Variants in TCN2 observed in about 807,000 individuals in gnomAD.
TCN2 encodes the protein transcobalamin-2.
Under a neutral mutation model 48.6 loss-of-function variants are expected in TCN2, and 34 were observed. The ratio of observed to expected loss-of-function variants is 0.70; its 90% CI spans 0.53 to 0.93. TCN2 has a LOEUF of 0.93. TCN2 is among the 40% of genes least tolerant of loss of function. The probability of loss-of-function intolerance (pLI) is 0.00; values close to 1 mark genes in which losing one functional copy is unlikely to be tolerated. For missense variants in TCN2, 652 were observed against 526.1 expected (o/e 1.24, Z -2.34); for synonymous variants, 283 against 212.5 (o/e 1.33, Z -2.89).
chr22:30,622,957 C>G lies in TCN2; in HGVS notation c.1107-11C>G, dbSNP rs375069878. The G allele has an allele frequency of 4.3e-6, 7 of 1,613,940 alleles. No individual in the cohort carries two copies. The highest frequency in any genetic ancestry group is 5.9e-6 in the Non-Finnish European group (7 of 1,179,818). Reference sequence around the variant, plus strand: ...ACCTCTTCTCTCCCCATTTGCCTTTCCCTTCTGTAGATATGAAACACAGGC... The same window carrying G: ...ACCTCTTCTCTCCCCATTTGCCTTTGCCTTCTGTAGATATGAAACACAGGC... On this transcript the variant is annotated splice_polypyrimidine_tract_variant and intron_variant, in intron 7 of 8. Coordinates refer to ENST00000215838, the MANE Select transcript of TCN2 (RefSeq NM_000355.4).
chr22:30,608,972 T>C (rs2087495184), intron 1 of TCN2, among the ~76,000 whole-genome samples: 3 of 152,118 alleles, frequency 2.0e-5, no homozygotes, highest in African/African-American at 7.2e-5. Context: ...CCCAGCCTCA[T>C]TCCTTTATCT....
chr22:30,613,617 C>T (rs1394575031), intron 3 of TCN2, among the ~76,000 whole-genome samples: 1 of 152,148 alleles, frequency 6.6e-6, no homozygotes, highest in African/African-American at 2.4e-5. Context: ...CCAAGATTGA[C>T]TTGATTATCC....
intron 7 of TCN2, among the ~76,000 whole-genome samples, chr22:30,620,859 TAGAC>T (rs1469838215): frequency 2.0e-5 from 3 of 152,012 alleles, no homozygotes; most frequent in Admixed American, 6.6e-5. Context: ...CAGACACAGA[TAGAC>T]AGATGTGGAG....
chr22:30,626,387 G>A (rs2087810250), intron 8 of TCN2, 73 bp from the exon 9 acceptor site: 1 of 1,493,750 alleles, frequency 6.7e-7, no homozygotes, highest in Non-Finnish European at 9.3e-7. Context: ...CAGGGTGGGG[G>A]GTCTGGAAGA....
chr22:30,617,381 G>C lies in TCN2; in HGVS notation c.992G>C (p.Ser331Thr). The stretch of plus-strand genomic sequence containing the variant: ...ATTCCTCAGACCCAAGAGATCATCA[G>C]TGTCACGCTGCAGGTGCTTAGTCTC... ...ETIPQTQEII[S>T]VTLQVLSLLP... is the part of the protein sequence containing the mutation. The change falls in exon 7 of 9, where the codon AGT (serine) becomes ACT (threonine). Residue 331 changes from serine (S) to threonine (T), a missense_variant. By Grantham distance (58) the Ser-to-Thr change is moderately conservative. Transcript: ENST00000215838. 1 of 1,614,170 alleles carries C rather than the reference G, an allele frequency of 6.2e-7. No individual in the cohort carries two copies. Among genetic ancestry groups the C allele is most frequent in the Non-Finnish European group, 8.5e-7 (1 of 1,180,030 alleles).
intron 7 of TCN2, among the ~76,000 whole-genome samples, chr22:30,620,967 G>T (rs868742903): frequency 6.6e-5 from 10 of 151,978 alleles, no homozygotes; most frequent in African/African-American, 2.4e-4. Context: ...GTTTCCCTTC[G>T]CTAAAGTCAC....
chr22:30,619,932 T>C (rs953176931), intron 7 of TCN2, among the ~76,000 whole-genome samples: 2 of 152,154 alleles, frequency 1.3e-5, no homozygotes, highest in African/African-American at 2.4e-5. Flanking sequence ...GGCAGGAGGA[T>C]CACTTGAGCC....
Position 30,623,078 on chromosome 22 carries a change from T to TG in TCN2, c.1218dup (p.Gln407AlafsTer5). On this transcript the variant is annotated frameshift_variant, in exon 8 of 9. Transcript: ENST00000215838. LOFTEE classifies it high-confidence loss of function. ...CTCCGAGACCCCAACACCCCACTGTTGCAAGGTGAGTCATGGCCTGACACT... is the reference window on the plus strand; with the variant it reads ...CTCCGAGACCCCAACACCCCACTGTTGGCAAGGTGAGTCATGGCCTGACACT... 2 of 1,613,836 alleles carry TG rather than the reference T, an allele frequency of 1.2e-6. No individual in the cohort carries two copies. Among genetic ancestry groups the TG allele is most frequent in the Non-Finnish European group, 1.7e-6 (2 of 1,179,948 alleles).
intron 7 of TCN2, among the ~76,000 whole-genome samples, chr22:30,620,563 G>T (rs562034951): frequency 1.3e-5 from 2 of 152,230 alleles, no homozygotes; most frequent in African/African-American, 4.8e-5. Context: ...GGGCACCAGC[G>T]CAGTCACTGA....
Position 30,626,588 on chromosome 22 carries a change from C to T in TCN2, c.*67C>T. On this transcript the variant is annotated 3_prime_UTR_variant, in exon 9 of 9. Transcript: ENST00000215838. ...GGCTTCTACCCTCCCTCCTGATGTC[C>T]CTGGAACAGGAACTCGCCTGACCCT... 1 of 1,569,908 alleles carries T rather than the reference C, an allele frequency of 6.4e-7. No individual in the cohort carries two copies. The highest frequency in any genetic ancestry group is 8.8e-7 in the Non-Finnish European group (1 of 1,142,610).
Position 30,623,965 on chromosome 22 carries a change from C to T in TCN2, c.1222+882C>T, listed in dbSNP as rs771213275. Reference sequence around the variant, plus strand: ...ACACACACATATGTATACATATATACACACACATATATATGTATACATATA... The same window carrying T: ...ACACACACATATGTATACATATATATACACACATATATATGTATACATATA... On this transcript the variant is annotated intron_variant, in intron 8 of 8. Coordinates refer to ENST00000215838, the MANE Select transcript of TCN2 (RefSeq NM_000355.4). Among the ~76,000 whole-genome samples the T allele has an allele frequency of 3.4e-3, 63 of 18,498 alleles. 4 individuals are homozygous for T. Among genetic ancestry groups the T allele is most frequent in the Middle Eastern group, 0.024 (1 of 42 alleles). The allele number at this position is 18,498 out of a possible 152,430, so 12.1% of individuals were successfully genotyped here. A position where few individuals can be genotyped will look rare whatever the true frequency, so the allele number is the denominator to read the frequency against.
rs188667136 is a variant in TCN2, at chr22:30,614,318, G to A, written c.428-31G>A. 1,234 of 1,611,932 alleles carry A rather than the reference G, an allele frequency of 7.7e-4. 7 individuals carry two copies. In the African/African-American group the frequency reaches 0.01, roughly 13 times the overall value. On this transcript the variant is annotated intron_variant, in intron 3 of 8. Transcript: ENST00000215838. Reference sequence around the variant, plus strand: ...GGGCTGGCTGCTGGGTGGGGGCAGAGAGGCAACCCCTCTGTTTTTTTCCCT... The same window carrying A: ...GGGCTGGCTGCTGGGTGGGGGCAGAAAGGCAACCCCTCTGTTTTTTTCCCT...
chr22:30,614,339 TC>T lies in TCN2; in HGVS notation c.428-7del, dbSNP rs1569040463. On this transcript the variant is annotated splice_polypyrimidine_tract_variant and intron_variant, in intron 3 of 8. Coordinates refer to ENST00000215838, the MANE Select transcript of TCN2 (RefSeq NM_000355.4). ...CAGAGAGGCAACCCCTCTGTTTTTT[TC>T]CCTCTCAGGGCATGATCACAAGGGC... 1 of 1,614,016 alleles carries T rather than the reference TC, an allele frequency of 6.2e-7. No individual in the cohort carries two copies. Among genetic ancestry groups the T allele is most frequent in the Non-Finnish European group, 8.5e-7 (1 of 1,179,954 alleles).
chr22:30,613,896 C>CAACT (rs2087574629), intron 3 of TCN2, among the ~76,000 whole-genome samples: 1 of 152,178 alleles, frequency 6.6e-6, no homozygotes, highest in African/African-American at 2.4e-5. Flanking sequence ...TACCATCTCT[C>CAACT]AACTCATAAG....
chr22:30,617,442 C>T lies in TCN2; in HGVS notation c.1053C>T (p.Ala351=), dbSNP rs142555281. 6.8e-5 allele frequency: 110 copies of T among 1,613,926 alleles called. 1 individual carries two copies. Among genetic ancestry groups the T allele is most frequent in the Admixed American group, 2.3e-4 (14 of 59,962 alleles). The part of the protein sequence containing the change: ...PPYRQSISVL[A]GSTVEDVLKK... Reference sequence around the variant, plus strand: ...ACAGACAGTCCATCTCTGTTCTGGCCGGGTCCACCGTGGAAGATGTCCTGA... The same window carrying T: ...ACAGACAGTCCATCTCTGTTCTGGCTGGGTCCACCGTGGAAGATGTCCTGA... The change falls in exon 7 of 9, where the codon GCC becomes GCT. Residue 351 remains alanine, a synonymous_variant. Coordinates refer to ENST00000215838, the MANE Select transcript of TCN2 (RefSeq NM_000355.4).
Position 30,617,545 on chromosome 22 carries a change from A to AT in TCN2, c.1106+51dup, listed in dbSNP as rs778125687. 6.2e-6 allele frequency: 10 copies of AT among 1,612,678 alleles called. No homozygotes were observed. In the East Asian group the frequency reaches 2.2e-4, roughly 36 times the overall value. ...CACCCCACCCAACCTCACATGCCTG[A>AT]TAACAGGGTCACAGAAGAGACGGGG... On this transcript the variant is annotated intron_variant, in intron 7 of 8. Coordinates refer to ENST00000215838, the MANE Select transcript of TCN2 (RefSeq NM_000355.4).
At chr22:30,612,731 A>C in intron 2 of TCN2, 142 bp from the exon 3 acceptor site, 3 of 997,388 alleles carry the variant, frequency 3.0e-6, no homozygotes, top group South Asian at 2.9e-5. Flanking sequence ...CAACATAGCC[A>C]ACACACCTCC....
intron 8 of TCN2, 141 bp downstream of exon 8, chr22:30,623,224 T>A: frequency 1.3e-6 from 1 of 746,744 alleles, no homozygotes; most frequent in Non-Finnish European, 2.3e-6. Flanking sequence ...AAGTTGGATA[T>A]AATATATTGA....
intron 4 of TCN2, among the ~76,000 whole-genome samples, chr22:30,614,866 A>G (rs1163316072): frequency 2.0e-5 from 3 of 152,122 alleles, no homozygotes; most frequent in Non-Finnish European, 4.4e-5. Context: ...TGGAGATCGC[A>G]CCACTGCCCT....
Sources: allele counts gnomAD v4.1 joint callset (sites outside exome capture counted in the v4.1 genomes callset), GRCh38; gene constraint gnomAD v4.1.1; transcripts MANE v1.5; gene names NCBI Gene and HGNC (gene_info 2026-07-23, HGNC 2026-07-21).